Variants in ACSL3 observed in about 807,000 individuals in gnomAD.
ACSL3 encodes the protein fatty acid CoA ligase Acsl3.
ACSL3 carries 34 observed loss-of-function variants against 84.7 expected under a neutral mutation model. That is an observed-to-expected ratio of 0.40 (90% CI 0.31 to 0.53). ACSL3 has a LOEUF of 0.53. Ranked by LOEUF, ACSL3 falls within the 20% of genes least tolerant of loss-of-function variation. ACSL3 has a pLI of 0.48. For synonymous variants in ACSL3, 315 were observed against 299.4 expected, an observed-to-expected ratio of 1.05 and a Z score of -0.54; for missense variants, 680 against 873.1, an observed-to-expected ratio of 0.78 and a Z score of 2.79.
In ACSL3 at chr2:222,942,187, A is replaced by T. The variant is rs990611716; in HGVS notation, c.*533A>T. 1 of 194,542 alleles carries T rather than the reference A, an allele frequency of 5.1e-6. No homozygotes were observed. The highest frequency in any genetic ancestry group is 1.1e-5 in the Non-Finnish European group (1 of 93,244). The allele number at this position is 194,542 out of a possible 1,614,324, so 12.1% of individuals were successfully genotyped here. A position where few individuals can be genotyped will look rare whatever the true frequency, so the allele number is the denominator to read the frequency against. On this transcript the variant is annotated 3_prime_UTR_variant, in exon 17 of 17. Coordinates refer to ENST00000357430, the MANE Select transcript of ACSL3 (RefSeq NM_004457.5). ...GTAATTATTGTCTTGTATGCATTTGAGAGAAATAAATATACCCATACTTAT... is the reference window on the plus strand; with the variant it reads ...GTAATTATTGTCTTGTATGCATTTGTGAGAAATAAATATACCCATACTTAT...
At chr2:222,892,858 C>T (rs1402037927) in intron 2 of ACSL3, among the ~76,000 whole-genome samples, 1 of 152,110 alleles carries the variant, frequency 6.6e-6, no homozygotes, top group Non-Finnish European at 1.5e-5. Flanking sequence ...AAAAAGTTCC[C>T]TTCACTGTGC....
intron 1 of ACSL3, among the ~76,000 whole-genome samples, chr2:222,883,021 G>T (rs1340565339): frequency 6.6e-6 from 1 of 151,908 alleles, no homozygotes. Context: ...GCCTGCCTTG[G>T]CTTTCCAAAG....
At chr2:222,863,899 TAAAA>T (rs1443322147) in intron 1 of ACSL3, among the ~76,000 whole-genome samples, 1 of 151,964 alleles carries the variant, frequency 6.6e-6, no homozygotes, top group Non-Finnish European at 1.5e-5. Flanking sequence ...GTGGCATAAA[TAAAA>T]AAGATGAACT....
At chr2:222,935,771 TGTA>T (rs1369306049) in intron 16 of ACSL3, among the ~76,000 whole-genome samples, 4 of 152,338 alleles carry the variant, frequency 2.6e-5, no homozygotes, top group African/African-American at 7.2e-5. Flanking sequence ...TTTCTTTTAT[TGTA>T]GTAAAAATCT....
chr2:222,880,616 C>T (rs1301420120), intron 1 of ACSL3, among the ~76,000 whole-genome samples: 2 of 151,888 alleles, frequency 1.3e-5, no homozygotes, highest in Non-Finnish European at 2.9e-5. Context: ...ATCACGAGAT[C>T]AGGAGATCAA....
intron 3 of ACSL3, among the ~76,000 whole-genome samples, chr2:222,904,391 G>A (rs1202634858): frequency 6.6e-6 from 1 of 152,192 alleles, no homozygotes; most frequent in Non-Finnish European, 1.5e-5. Context: ...AATGAGAATA[G>A]TAATGTATAG....
intron 2 of ACSL3, among the ~76,000 whole-genome samples, chr2:222,893,432 C>A (rs762780779): frequency 2.0e-5 from 3 of 152,096 alleles, no homozygotes; most frequent in Non-Finnish European, 4.4e-5. Context: ...GAGAGTGACT[C>A]CTGTTTTCTT....
At chr2:222,862,677 C>T (rs1355014921) in intron 1 of ACSL3, among the ~76,000 whole-genome samples, 2 of 150,842 alleles carry the variant, frequency 1.3e-5, no homozygotes, top group Admixed American at 1.3e-4. Context: ...CATGCGTTTT[C>T]TCTCTAGACT....
chr2:222,871,317 G>C (rs1039973490), intron 1 of ACSL3, among the ~76,000 whole-genome samples: 6 of 152,168 alleles, frequency 3.9e-5, no homozygotes, highest in Non-Finnish European at 8.8e-5. Context: ...TTAAAAATGC[G>C]AAGTGGGATA....
intron 12 of ACSL3, among the ~76,000 whole-genome samples, chr2:222,928,023 T>G (rs1307087688): frequency 6.6e-6 from 1 of 152,254 alleles, no homozygotes; most frequent in East Asian, 1.9e-4. Context: ...GATCCTTAAT[T>G]TCTTCTATTT....
At chr2:222,864,778 A>G (rs555403261) in intron 1 of ACSL3, among the ~76,000 whole-genome samples, 30 of 152,238 alleles carry the variant, frequency 2.0e-4, no homozygotes, top group South Asian at 8.3e-4. Flanking sequence ...TCCTAAAAGG[A>G]TGGGGTTGGG....
At chr2:222,929,894 A>G (rs1371981940) in intron 13 of ACSL3, among the ~76,000 whole-genome samples, 1 of 151,112 alleles carries the variant, frequency 6.6e-6, no homozygotes, top group African/African-American at 2.4e-5. Flanking sequence ...AATTATCTAT[A>G]AGAATAAATC....
chr2:222,925,009 C>T (rs557384994), intron 11 of ACSL3, among the ~76,000 whole-genome samples: 4 of 139,650 alleles, frequency 2.9e-5, no homozygotes, highest in East Asian at 2.1e-4. Context: ...TCTGCCTGGG[C>T]GACAGAGCGA....
intron 1 of ACSL3, among the ~76,000 whole-genome samples, chr2:222,865,076 A>G (rs1267195077): frequency 6.6e-6 from 1 of 152,022 alleles, no homozygotes; most frequent in Admixed American, 6.6e-5. Flanking sequence ...TAATTTATTT[A>G]TTTTCTGAAA....
Position 222,921,397 on chromosome 2 carries a change from T to G in ACSL3, c.923T>G (p.Ile308Arg). Residue 308 changes from isoleucine (I) to arginine (R), a missense_variant, in exon 8 of 17, where the codon ATA becomes AGA. Coordinates refer to ENST00000357430, the MANE Select transcript of ACSL3 (RefSeq NM_004457.5). ...TCACATAGTAACATTATTGCTGGTATAACTGGGATGGCAGAAAGGATTCCA... is the reference window on the plus strand; with the variant it reads ...TCACATAGTAACATTATTGCTGGTAGAACTGGGATGGCAGAAAGGATTCCA... ...MISHSNIIAGITGMAERIPEL... is the reference protein window; with the variant it reads ...MISHSNIIAGRTGMAERIPEL... 1 of 1,594,346 alleles carries G rather than the reference T, an allele frequency of 6.3e-7. No homozygotes were observed. The highest frequency in any genetic ancestry group is 8.6e-7 in the Non-Finnish European group (1 of 1,163,772).
rs142647559 is a variant in ACSL3, at chr2:222,878,699, T to G, written c.-206-9131T>G. On this transcript the variant is annotated intron_variant, in intron 1 of 16. Coordinates refer to ENST00000357430, the MANE Select transcript of ACSL3 (RefSeq NM_004457.5). ...AATATAGTGAATCTCTCTTCTGGTC[T>G]TTCCCACAAACTTAACATCCAGCCC... 2.5e-4 allele frequency among the ~76,000 whole-genome samples: 38 copies of G among 152,342 alleles called. No homozygotes were observed. The East Asian group carries it at 6.7e-3, about 27-fold the overall frequency.
rs1310481322 is a variant in ACSL3 at position 222,934,726 on chromosome 2, G to T, written c.2005+39G>T. On this transcript the variant is annotated intron_variant, in intron 16 of 16. Transcript: ENST00000357430. ...TAAACTGATACTAAAAACTGAGATGGGAAGAGAGTACTTACATGCATTCAA... is the reference window on the plus strand; with the variant it reads ...TAAACTGATACTAAAAACTGAGATGTGAAGAGAGTACTTACATGCATTCAA... 1.9e-6 allele frequency: 3 copies of T among 1,591,094 alleles called. No homozygotes were observed. In the South Asian group the frequency reaches 3.6e-5, roughly 19 times the overall value.
chr2:222,876,028 A>G (rs796863944), intron 1 of ACSL3, among the ~76,000 whole-genome samples: 28 of 152,360 alleles, frequency 1.8e-4, no homozygotes, highest in African/African-American at 5.5e-4. Flanking sequence ...TCCATAGTTA[A>G]AAGTGCTAAT....
At chr2:222,940,158 A>G (rs757118439) in intron 16 of ACSL3, among the ~76,000 whole-genome samples, 1 of 152,138 alleles carries the variant, frequency 6.6e-6, no homozygotes, top group East Asian at 1.9e-4. Context: ...TGCTGCTATC[A>G]TGAATCTCCT....
Sources: allele counts gnomAD v4.1 joint callset (sites outside exome capture counted in the v4.1 genomes callset), GRCh38; gene constraint gnomAD v4.1.1; transcripts MANE v1.5; gene names NCBI Gene and HGNC (gene_info 2026-07-23, HGNC 2026-07-21).